CTNND1: variants seen among roughly 807,000 people sequenced by gnomAD.
The protein encoded by CTNND1 is catenin delta 1, also known as catenin delta-1.
CTNND1 carries 16 observed loss-of-function variants against 112.1 expected under a neutral mutation model. That is an observed-to-expected ratio of 0.14 (90% CI 0.10 to 0.22). CTNND1 has a LOEUF of 0.22. Ranked by LOEUF, CTNND1 falls within the 10% of genes least tolerant of loss-of-function variation. The pLI, the probability that CTNND1 is intolerant of heterozygous loss-of-function variation, is 1.00. For synonymous variants in CTNND1, 420 were observed against 446.5 expected, an observed-to-expected ratio of 0.94 and a Z score of 0.75; for missense variants, 1,008 against 1,257.0, an observed-to-expected ratio of 0.80 and a Z score of 3.00.
rs1294575113 is a variant in CTNND1 at position 57,808,655 on chromosome 11, C to G, written c.2242+115C>G. 8 of 1,015,606 alleles carry G rather than the reference C, an allele frequency of 7.9e-6. No homozygotes were observed. The East Asian group carries it at 1.7e-4, about 22-fold the overall frequency. The allele number at this position is 1,015,606 out of a possible 1,614,324, so 62.9% of individuals were successfully genotyped here. Reference sequence around the variant, plus strand: ...ATGACTGAAGGGAAGGACCCTCCCCCGCTTCATAGTTTATGAATGCGAGAG... The same window carrying G: ...ATGACTGAAGGGAAGGACCCTCCCCGGCTTCATAGTTTATGAATGCGAGAG... On this transcript the variant is annotated intron_variant, in intron 14 of 20. Transcript: ENST00000399050.
intron 1 of CTNND1, among the ~76,000 whole-genome samples, chr11:57,784,725 C>T (rs780999890): frequency 6.6e-6 from 1 of 152,074 alleles, no homozygotes; most frequent in Non-Finnish European, 1.5e-5. Context: ...AGGCTGGTTT[C>T]GAACTCCTGA....
chr11:57,778,839 T>C (rs2059282030), intron 1 of CTNND1, among the ~76,000 whole-genome samples: 1 of 152,154 alleles, frequency 6.6e-6, no homozygotes, highest in Admixed American at 6.5e-5. Context: ...TCTTTGTCCC[T>C]GGAGAGCAGC....
Position 57,761,846 on chromosome 11 carries a change from G to A in CTNND1, c.-487G>A. ...CAGGCTCCCTTGCCTTTGGCTGGGT[G>A]CAACTTCCATTTTAGGTGTTGGATC... is the stretch of plus-strand genomic sequence containing the variant. On this transcript the variant is annotated 5_prime_UTR_variant, in exon 1 of 21. Transcript: ENST00000399050. 1.0e-6 allele frequency: 1 copy of A among 985,232 alleles called. No individual in the cohort carries two copies. The highest frequency in any genetic ancestry group is 4.7e-5 in the South Asian group (1 of 21,268). The allele number at this position is 985,232 out of a possible 1,614,324, so 61.0% of individuals were successfully genotyped here.
intron 1 of CTNND1, among the ~76,000 whole-genome samples, chr11:57,780,071 TGA>T (rs2059414884): frequency 7.7e-6 from 1 of 129,196 alleles, no homozygotes. Flanking sequence ...TTTTTTTTTT[TGA>T]GACAGGGTCT....
chr11:57,762,404 T>G (rs1028690149), intron 1 of CTNND1, among the ~76,000 whole-genome samples: 10 of 152,230 alleles, frequency 6.6e-5, no homozygotes, highest in African/African-American at 2.2e-4. Context: ...CATATTTCTG[T>G]TTTCAGAGCC....
chr11:57,765,310 A>G (rs1022831904), intron 1 of CTNND1, among the ~76,000 whole-genome samples: 1 of 152,158 alleles, frequency 6.6e-6, no homozygotes, highest in African/African-American at 2.4e-5. Context: ...GCCTTGGTTA[A>G]ATAAGGCATT....
In CTNND1 at chr11:57,766,005, C is replaced by T. The variant is rs143223860; in HGVS notation, c.-214+3886C>T. ...ACAAAAAATACAAAAATTAGCTGGG[C>T]GTGGTGGCATGTACCCGTAGTCCTA... On this transcript the variant is annotated intron_variant, in intron 1 of 20. Transcript: ENST00000399050. 8.6e-3 allele frequency among the ~76,000 whole-genome samples: 1,307 copies of T among 152,082 alleles called. 25 individuals carry two copies. The highest frequency in any genetic ancestry group is 0.029 in the African/African-American group (1,207 of 41,502).
intron 1 of CTNND1, among the ~76,000 whole-genome samples, chr11:57,764,413 A>G (rs1248031812): frequency 6.6e-6 from 1 of 152,216 alleles, no homozygotes; most frequent in Admixed American, 6.5e-5. Flanking sequence ...AGGTTTATGA[A>G]GTAGCTGCTC....
intron 16 of CTNND1, 107 bp downstream of exon 16, chr11:57,810,330 T>A: frequency 1.3e-6 from 1 of 759,198 alleles, no homozygotes; most frequent in Non-Finnish European, 2.0e-6. Context: ...CTAAACCTAT[T>A]TTTTTTTTCT....
intron 6 of CTNND1, among the ~76,000 whole-genome samples, chr11:57,801,101 T>A (rs975894779): frequency 1.3e-5 from 2 of 152,220 alleles, no homozygotes; most frequent in African/African-American, 4.8e-5. Flanking sequence ...AAATTACTTT[T>A]CAAGTTTATA....
chr11:57,785,312 C>T (rs1056285643), intron 1 of CTNND1, among the ~76,000 whole-genome samples: 1 of 152,168 alleles, frequency 6.6e-6, no homozygotes, highest in Non-Finnish European at 1.5e-5. Context: ...TCTTCACAAC[C>T]ACCCTGTGTA....
rs145064564 is a variant in CTNND1 at position 57,769,035 on chromosome 11, G to A, written c.-214+6916G>A. Among the ~76,000 whole-genome samples, 1,067 of 151,478 alleles carry A rather than the reference G, an allele frequency of 7.0e-3. 13 individuals are homozygous for A. Among genetic ancestry groups the A allele is most frequent in the African/African-American group, 0.023 (963 of 41,310 alleles). ...TAAAAATGAGACAGAGGCTGGGCGCGGTGGCTCACACCTGTAATCCCAGCA... is the reference window on the plus strand; with the variant it reads ...TAAAAATGAGACAGAGGCTGGGCGCAGTGGCTCACACCTGTAATCCCAGCA... On this transcript the variant is annotated intron_variant, in intron 1 of 20. Coordinates refer to ENST00000399050, the MANE Select transcript of CTNND1 (RefSeq NM_001085458.2).
chr11:57,792,789 A>G (rs1358299846), intron 3 of CTNND1, among the ~76,000 whole-genome samples: 1 of 150,838 alleles, frequency 6.6e-6, no homozygotes, highest in Non-Finnish European at 1.5e-5. Context: ...TCGGCCTCCC[A>G]AAGTACTGGG....
chr11:57,806,071 G>T (rs1200344529), intron 10 of CTNND1, 36 bp downstream of exon 10: 1 of 1,587,992 alleles, frequency 6.3e-7, no homozygotes. Context: ...TCTTTAATGT[G>T]GGATAGGGAA....
At chr11:57,799,810 A>G (rs560305985) in intron 6 of CTNND1, among the ~76,000 whole-genome samples, 3 of 152,150 alleles carry the variant, frequency 2.0e-5, no homozygotes, top group Non-Finnish European at 4.4e-5. Context: ...CCAGAAAAGC[A>G]TTACCATCTA....
chr11:57,809,139 T>A, intron 14 of CTNND1, 135 bp from the exon 15 acceptor site: 1 of 623,156 alleles, frequency 1.6e-6, no homozygotes, highest in Non-Finnish European at 2.8e-6. Flanking sequence ...TTTGATATGA[T>A]AATCCTATAG....
intron 16 of CTNND1, among the ~76,000 whole-genome samples, chr11:57,810,728 G>T (rs1410942431): frequency 1.3e-5 from 2 of 152,122 alleles, no homozygotes; most frequent in Non-Finnish European, 2.9e-5. Context: ...GCTGAGGCAG[G>T]TGGATTGCCT....
intron 1 of CTNND1, among the ~76,000 whole-genome samples, chr11:57,787,477 A>G (rs2060254875): frequency 6.6e-6 from 1 of 152,236 alleles, no homozygotes; most frequent in Non-Finnish European, 1.5e-5. Flanking sequence ...ACATTTGTAT[A>G]TAACATACAT....
In CTNND1 at chr11:57,796,666, T is replaced by C. The variant is rs1194491409; in HGVS notation, c.630T>C (p.Pro210=). The C allele has an allele frequency of 1.2e-6, 2 of 1,613,900 alleles. No homozygotes were observed. Among genetic ancestry groups the C allele is most frequent in the African/African-American group, 1.3e-5 (1 of 74,938 alleles). The change falls in exon 6 of 21, where the codon CCT becomes CCC. Residue 210 remains proline (P), a synonymous_variant. Coordinates refer to ENST00000399050, the MANE Select transcript of CTNND1 (RefSeq NM_001085458.2). ...ATLPRNFHYP[P]DGYSRHYEDG... The stretch of plus-strand genomic sequence containing the variant: ...TTCCTAGGAACTTCCACTACCCTCC[T>C]GATGGTTATAGTCGCCACTATGAAG...
Sources: gnomAD v4.1 joint callset for allele counts (sites outside exome capture counted in the v4.1 genomes callset) on GRCh38, gnomAD v4.1.1 for gene constraint, MANE v1.5 for transcripts, NCBI Gene and HGNC (gene_info 2026-07-23, HGNC 2026-07-21) for gene names.